KCNK2: variants seen among roughly 807,000 people sequenced by gnomAD.
The protein encoded by KCNK2 is potassium channel subfamily K member 2.
A neutral mutation model predicts 40.5 loss-of-function variants in KCNK2; 21 were observed. The observed-to-expected ratio is 0.52, with a 90% confidence interval of 0.37 to 0.75. The LOEUF is 0.75. Ranked by LOEUF, KCNK2 falls within the 30% of genes least tolerant of loss-of-function variation. The probability of loss-of-function intolerance (pLI) is 0.00; values close to 1 mark genes in which losing one functional copy is unlikely to be tolerated. For synonymous variants in KCNK2, 191 were observed against 202.2 expected (o/e 0.94, Z 0.47); for missense variants, 399 against 531.6 (o/e 0.75, Z 2.45).
chr1:215,089,827 T>C (rs1281252265), intron 2 of KCNK2, among the ~76,000 whole-genome samples: 2 of 61,110 alleles, frequency 3.3e-5, no homozygotes, highest in East Asian at 6.7e-4. Context: ...TTCTTTTTCT[T>C]TTTTTTTTTT....
chr1:215,203,532 A>C (rs1014323971), intron 6 of KCNK2, among the ~76,000 whole-genome samples: 1 of 151,972 alleles, frequency 6.6e-6, no homozygotes, highest in Admixed American at 6.6e-5. Context: ...TTAAGACTAT[A>C]TATATATATA....
At chr1:215,220,702 G>C (rs115011918) in intron 6 of KCNK2, among the ~76,000 whole-genome samples, 1 of 152,144 alleles carries the variant, frequency 6.6e-6, no homozygotes, top group Non-Finnish European at 1.5e-5. Context: ...ATAAAATGCC[G>C]TTTTGTTATA....
chr1:215,093,888 T>C (rs1220018190), intron 2 of KCNK2, among the ~76,000 whole-genome samples: 57 of 98,716 alleles, frequency 5.8e-4, no homozygotes, highest in African/African-American at 2.0e-3. Flanking sequence ...TTATATATTA[T>C]ATATAAAAAT....
chr1:215,160,788 C>T (rs1663160084), intron 3 of KCNK2, among the ~76,000 whole-genome samples: 1 of 152,076 alleles, frequency 6.6e-6, no homozygotes, highest in African/African-American at 2.4e-5. Context: ...TCTGTACATT[C>T]CTCCTGGTTG....
chr1:215,036,489 T>C (rs899500346), intron 1 of KCNK2, among the ~76,000 whole-genome samples: 1 of 151,996 alleles, frequency 6.6e-6, no homozygotes, highest in South Asian at 2.1e-4. Flanking sequence ...TTGTTCTTTT[T>C]TTTTTAACTT....
rs572635465 is a variant in KCNK2 at position 215,074,047 on chromosome 1, G to C, written c.35-12321G>C. Among the ~76,000 whole-genome samples the C allele has an allele frequency of 2.6e-5, 4 of 152,286 alleles. No homozygotes were observed. In the South Asian group the frequency reaches 8.3e-4, roughly 32 times the overall value. ...ATGGACTGGAGATCGGTGGAGTGGAGGCCTGAGGAGAGGTGACTGAGGTAA... is the reference window on the plus strand; with the variant it reads ...ATGGACTGGAGATCGGTGGAGTGGACGCCTGAGGAGAGGTGACTGAGGTAA... On this transcript the variant is annotated intron_variant, in intron 1 of 6. Transcript: ENST00000391895.
chr1:215,031,772 C>A (rs1179024841), intron 1 of KCNK2, among the ~76,000 whole-genome samples: 1 of 152,132 alleles, frequency 6.6e-6, no homozygotes, highest in Non-Finnish European at 1.5e-5. Context: ...ATTCTGCATT[C>A]TTACTCAGAT....
chr1:215,176,263 TTA>T (rs1158110051), intron 5 of KCNK2, among the ~76,000 whole-genome samples: 3 of 152,152 alleles, frequency 2.0e-5, no homozygotes, highest in Admixed American at 2.0e-4. Context: ...GGGCATTTTT[TTA>T]TATGTTTGTT....
chr1:215,171,918 TTGTC>T lies in KCNK2; in HGVS notation c.637-77_637-74del, dbSNP rs1016173785. The T allele has an allele frequency of 5.7e-4, 444 of 785,088 alleles. 1 individual carries two copies. Among genetic ancestry groups the T allele is most frequent in the Non-Finnish European group, 7.5e-4 (418 of 557,480 alleles). The allele number at this position is 785,088 out of a possible 1,614,324, so 48.6% of individuals were successfully genotyped here. ...ACAAGTAATTTCTCTCTCTCTCTCT[TTGTC>T]TCTCTCTCTCTCTCTCTCTCCCCCC... On this transcript the variant is annotated intron_variant, in intron 4 of 6. Transcript: ENST00000444842.
intron 2 of KCNK2, among the ~76,000 whole-genome samples, chr1:215,098,282 T>C (rs553842286): frequency 6.6e-6 from 1 of 152,042 alleles, no homozygotes; most frequent in East Asian, 1.9e-4. Context: ...TTTAAAACAA[T>C]TCTATTATCT....
intron 5 of KCNK2, among the ~76,000 whole-genome samples, chr1:215,180,192 A>C (rs1664167458): frequency 6.6e-6 from 1 of 151,844 alleles, no homozygotes; most frequent in African/African-American, 2.4e-5. Flanking sequence ...ACTCTTTTTC[A>C]TGTTCTGTTT....
chr1:215,127,736 A>C lies in KCNK2; in HGVS notation c.475+2986A>C, dbSNP rs149856779. Among the ~76,000 whole-genome samples, 19 of 152,294 alleles carry C rather than the reference A, an allele frequency of 1.2e-4. No individual in the cohort carries two copies. The East Asian group carries it at 3.7e-3, about 29-fold the overall frequency. On this transcript the variant is annotated intron_variant, in intron 3 of 6. Coordinates refer to ENST00000444842, the MANE Select transcript of KCNK2 (RefSeq NM_001017425.3). Reference sequence around the variant, plus strand: ...AAGTTAGGGATTTTTAATTATTTGCATCTTGTCTGTATCTCCAAATGCCTG... The same window carrying C: ...AAGTTAGGGATTTTTAATTATTTGCCTCTTGTCTGTATCTCCAAATGCCTG...
At chr1:215,061,978 ACAGC>A (rs1037879756) in intron 1 of KCNK2, among the ~76,000 whole-genome samples, 58 of 152,130 alleles carry the variant, frequency 3.8e-4, no homozygotes, top group African/African-American at 1.4e-3. Flanking sequence ...TTAATTAAAC[ACAGC>A]CTCTAAATTC....
chr1:215,069,852 T>C (rs1420658811), intron 1 of KCNK2, among the ~76,000 whole-genome samples: 3 of 152,176 alleles, frequency 2.0e-5, no homozygotes, highest in African/African-American at 7.2e-5. Context: ...ACAATGACTT[T>C]CAATGTACCC....
chr1:215,216,730 C>T (rs4539106), intron 6 of KCNK2, among the ~76,000 whole-genome samples: 145,185 of 152,178 alleles, frequency 0.95, 69,636 homozygotes, highest in East Asian at 1. Flanking sequence ...TATTGAATAA[C>T]ATAAAAGTCA....
chr1:215,218,560 G>C (rs1381152427), intron 6 of KCNK2, among the ~76,000 whole-genome samples: 1 of 152,102 alleles, frequency 6.6e-6, no homozygotes, highest in Non-Finnish European at 1.5e-5. Context: ...AAGTCCTAGT[G>C]ATTCCATGAA....
chr1:215,100,756 T>G (rs1412044815), intron 2 of KCNK2, among the ~76,000 whole-genome samples: 1 of 151,980 alleles, frequency 6.6e-6, no homozygotes, highest in Non-Finnish European at 1.5e-5. Flanking sequence ...AACCATCAAG[T>G]GCATAACAAA....
chr1:215,097,982 G>A (rs1009246393), intron 2 of KCNK2, among the ~76,000 whole-genome samples: 4 of 152,000 alleles, frequency 2.6e-5, no homozygotes, highest in African/African-American at 9.7e-5. Flanking sequence ...ATTCTTACCA[G>A]TAAGGGAATT....
At chr1:215,020,987 A>G (rs2802649) in intron 1 of KCNK2, among the ~76,000 whole-genome samples, 66,771 of 151,986 alleles carry the variant, frequency 0.44, 16,357 homozygotes, top group Non-Finnish European at 0.55. Context: ...CGTGGTGGGA[A>G]GACAATAATT....
Sources: allele counts gnomAD v4.1 joint callset (sites outside exome capture counted in the v4.1 genomes callset), GRCh38; gene constraint gnomAD v4.1.1; transcripts MANE v1.5; gene names NCBI Gene and HGNC (gene_info 2026-07-23, HGNC 2026-07-21).